The following ZBTB10 variants were observed in gnomAD, a reference collection of about 807,000 sequenced individuals.
The protein encoded by ZBTB10 is zinc finger and BTB domain-containing protein 10.
A neutral mutation model predicts 76.4 loss-of-function variants in ZBTB10; 32 were observed. The ratio of observed to expected loss-of-function variants is 0.42; its 90% CI spans 0.32 to 0.56. The LOEUF (loss-of-function observed/expected upper bound fraction) is 0.56, where lower values mean the gene tolerates loss of function less well. Among genes scored for constraint, ZBTB10 ranks in the 20% least tolerant of loss-of-function variants. The probability of loss-of-function intolerance (pLI) is 0.14; values close to 1 mark genes in which losing one functional copy is unlikely to be tolerated. For synonymous variants in ZBTB10, 523 were observed against 432.9 expected (o/e 1.21, Z -2.58); for missense variants, 1,057 against 1,098.5 (o/e 0.96, Z 0.53).
At chr8:80,507,315 A>G (rs1816084087) in intron 2 of ZBTB10, among the ~76,000 whole-genome samples, 1 of 140,336 alleles carries the variant, frequency 7.1e-6, no homozygotes, top group Non-Finnish European at 1.5e-5. Flanking sequence ...TCAAAAGAAG[A>G]AAAGAAAAAA....
rs752224870 is a variant in ZBTB10, at chr8:80,486,787, G to A, written c.-24G>A. The A allele has an allele frequency of 2.3e-6, 3 of 1,326,632 alleles. No homozygotes were observed. The highest frequency in any genetic ancestry group is 2.9e-6 in the Non-Finnish European group (3 of 1,036,408). 82.2% of individuals were successfully genotyped at this position (1,326,632 alleles called of 1,614,324 possible). A position where few individuals can be genotyped will look rare whatever the true frequency, so the allele number is the denominator to read the frequency against. On this transcript the variant is annotated 5_prime_UTR_variant, in exon 1 of 6. Coordinates refer to ENST00000455036, the MANE Select transcript of ZBTB10 (RefSeq NM_001105539.3). ...GGCCGTGCGCGAGCCGGGGCACCGG[G>A]CGGCGGCGGCGGCGGCGCGCGCCAT...
intron 1 of ZBTB10, among the ~76,000 whole-genome samples, chr8:80,495,599 A>G: frequency 6.6e-6 from 1 of 152,064 alleles, no homozygotes; most frequent in Non-Finnish European, 1.5e-5. Context: ...AGTCTTACCC[A>G]CTAACAGTAA....
At chr8:80,485,986 AC>A (rs1448846438), upstream of ZBTB10, 2 of 1,068,882 alleles carry the variant, frequency 1.9e-6, no homozygotes, top group Admixed American at 2.8e-5. Flanking sequence ...CCTCCCTGAG[AC>A]CCCCAGCCCG....
At position 80,518,400 on chromosome 8, in the gene ZBTB10, T is replaced by C; in HGVS notation, c.1961-3T>C. 1 of 1,548,518 alleles carries C rather than the reference T, an allele frequency of 6.5e-7. No homozygotes were observed. Among genetic ancestry groups the C allele is most frequent in the Non-Finnish European group, 8.7e-7 (1 of 1,146,416 alleles). ...ATTAATTCAGAATTTTTACTTGTAC[T>C]AGGTACTTCACATGATTTCAAGTAT... On this transcript the variant is annotated splice_polypyrimidine_tract_variant and splice_region_variant and intron_variant, in intron 3 of 5. Coordinates refer to ENST00000455036, the MANE Select transcript of ZBTB10 (RefSeq NM_001105539.3).
chr8:80,504,253 T>G (rs1427427100), intron 2 of ZBTB10, among the ~76,000 whole-genome samples: 1 of 152,216 alleles, frequency 6.6e-6, no homozygotes, highest in African/African-American at 2.4e-5. Context: ...TTAAATAAAT[T>G]TGAAGTTCTA....
chr8:80,490,616 A>T (rs1815604031), intron 1 of ZBTB10, among the ~76,000 whole-genome samples: 1 of 152,176 alleles, frequency 6.6e-6, no homozygotes, highest in Non-Finnish European at 1.5e-5. Context: ...TTCTTTGAAC[A>T]TTCTGAGCCT....
At chr8:80,512,067 TAATGTGGTACCACATTA>T in intron 2 of ZBTB10, among the ~76,000 whole-genome samples, 1 of 152,286 alleles carries the variant, frequency 6.6e-6, no homozygotes, top group South Asian at 2.1e-4. Context: ...TACTGTTATT[TAATGTGGTACCACATTA>T]AATAACATTT....
At chr8:80,495,596 C>CG (rs1815762422) in intron 1 of ZBTB10, among the ~76,000 whole-genome samples, 1 of 152,038 alleles carries the variant, frequency 6.6e-6, no homozygotes, top group Non-Finnish European at 1.5e-5. Context: ...AAGAGTCTTA[C>CG]CCACTAACAG....
intron 2 of ZBTB10, among the ~76,000 whole-genome samples, chr8:80,510,643 T>TGGGG (rs774237067): frequency 0.019 from 1,471 of 78,170 alleles, 24 homozygotes; most frequent in African/African-American, 0.039. Context: ...GAAACCAGTG[T>TGGGG]GTGTGTGTGT....
chr8:80,499,417 A>G lies in ZBTB10; in HGVS notation c.973-77A>G, dbSNP rs116654182. 1,546 of 1,401,386 alleles carry G rather than the reference A, an allele frequency of 1.1e-3. 19 individuals are homozygous for G. In the African/African-American group the frequency reaches 0.02, roughly 18 times the overall value. The allele number at this position is 1,401,386 out of a possible 1,614,324, so 86.8% of individuals were successfully genotyped here. ...TTGATTATCGCTTTTTAAAAACTTG[A>G]TAATTGTTTTCCTTGGTTTGGGAGT... On this transcript the variant is annotated intron_variant, in intron 1 of 5. Transcript: ENST00000455036.
At position 80,486,388 on chromosome 8, in the gene ZBTB10, G is replaced by A; in HGVS notation, c.-423G>A. The A allele has an allele frequency of 1.0e-6, 1 of 990,386 alleles. No individual in the cohort carries two copies. Among genetic ancestry groups the A allele is most frequent in the South Asian group, 4.6e-5 (1 of 21,826 alleles). The allele number at this position is 990,386 out of a possible 1,614,324, so 61.3% of individuals were successfully genotyped here. On this transcript the variant is annotated 5_prime_UTR_variant, in exon 1 of 6. Transcript: ENST00000455036. The stretch of plus-strand genomic sequence containing the variant: ...GGGACTCCTCGGCGCGCGGAGGAAG[G>A]ATATCTGTGTGGAGGATCGGTGTGT...
rs1244862290 is a variant in ZBTB10, at chr8:80,525,062, CAT to C, written c.*5536_*5537del. 1.3e-5 allele frequency: 2 copies of C among 151,894 alleles called. No homozygotes were observed. The highest frequency in any genetic ancestry group is 2.9e-5 in the Non-Finnish European group (2 of 67,952). The allele number at this position is 151,894 out of a possible 1,614,324, so 9.4% of individuals were successfully genotyped here. A position where few individuals can be genotyped will look rare whatever the true frequency, so the allele number is the denominator to read the frequency against. Reference sequence around the variant, plus strand: ...AAGGATGTTTTGACACTAAAAAGGACATAATTTAGGAAATTAAGAATTTAGAC... The same window carrying C: ...AAGGATGTTTTGACACTAAAAAGGACAATTTAGGAAATTAAGAATTTAGAC... On this transcript the variant is annotated 3_prime_UTR_variant, in exon 6 of 6. Transcript: ENST00000455036.
chr8:80,519,429 A>C lies in ZBTB10; in HGVS notation c.2517A>C (p.Val839=), dbSNP rs1170205716. 2.5e-6 allele frequency: 4 copies of C among 1,612,608 alleles called. No individual in the cohort carries two copies. The highest frequency in any genetic ancestry group is 2.5e-6 in the Non-Finnish European group (3 of 1,179,410). The change falls in exon 6 of 6, where the codon GTA becomes GTC. Residue 839 remains valine (V), a synonymous_variant. Coordinates refer to ENST00000455036, the MANE Select transcript of ZBTB10 (RefSeq NM_001105539.3). Reference sequence around the variant, plus strand: ...ATGAAGAATACGAGGAGAATGAAGTAGGAGAAGCTGATGAAGAGCTAGTTG... The same window carrying C: ...ATGAAGAATACGAGGAGAATGAAGTCGGAGAAGCTGATGAAGAGCTAGTTG... ...PRDEEYEENE[V]GEADEELVDD... is the part of the protein sequence containing the mutation.
chr8:80,486,432 A>G lies in ZBTB10; in HGVS notation c.-379A>G. Reference sequence around the variant, plus strand: ...GGTGTGTGCGCGCGCGGCTTTAAAGAGGGGGCAGCGGAGGGTCTCCCCGCA... The same window carrying G: ...GGTGTGTGCGCGCGCGGCTTTAAAGGGGGGGCAGCGGAGGGTCTCCCCGCA... On this transcript the variant is annotated 5_prime_UTR_variant, in exon 1 of 6. Coordinates refer to ENST00000455036, the MANE Select transcript of ZBTB10 (RefSeq NM_001105539.3). 1.0e-6 allele frequency: 1 copy of G among 984,400 alleles called. No individual in the cohort carries two copies. The highest frequency in any genetic ancestry group is 1.2e-6 in the Non-Finnish European group (1 of 829,814). 61.0% of individuals were successfully genotyped at this position (984,400 alleles called of 1,614,324 possible).
chr8:80,488,004 G>A (rs1450823919), intron 1 of ZBTB10, among the ~76,000 whole-genome samples: 1 of 151,458 alleles, frequency 6.6e-6, no homozygotes, highest in South Asian at 2.1e-4. Context: ...GAAGGGGATG[G>A]AATGACAATT....
At chr8:80,499,363 A>G in intron 1 of ZBTB10, 131 bp from the exon 2 acceptor site, 1 of 1,041,032 alleles carries the variant, frequency 9.6e-7, no homozygotes, top group East Asian at 2.7e-5. Flanking sequence ...TGTTCACTCC[A>G]TTTCTTGATT....
chr8:80,486,724 G>GAGGGGGAGCC lies in ZBTB10; in HGVS notation c.-86_-77dup, dbSNP rs1270451772. The GAGGGGGAGCC allele has an allele frequency of 2.3e-5, 23 of 1,004,772 alleles. No homozygotes were observed. Among genetic ancestry groups the GAGGGGGAGCC allele is most frequent in the Non-Finnish European group, 2.7e-5 (23 of 843,564 alleles). The allele number at this position is 1,004,772 out of a possible 1,614,324, so 62.2% of individuals were successfully genotyped here. ...GAACGCCGGGGGCGGGGGCGAGACA[G>GAGGGGGAGCC]AGGGGGAGCCGCGGGGAGCGCGCGG... On this transcript the variant is annotated 5_prime_UTR_variant, in exon 1 of 6. Coordinates refer to ENST00000455036, the MANE Select transcript of ZBTB10 (RefSeq NM_001105539.3).
At position 80,520,347 on chromosome 8, in the gene ZBTB10, A is replaced by G. The variant is rs1025707221; in HGVS notation, c.*819A>G. On this transcript the variant is annotated 3_prime_UTR_variant, in exon 6 of 6. Transcript: ENST00000455036. Reference sequence around the variant, plus strand: ...TAATCTGATAAATGGTTACTATATGATATTTTCTGACATGGTATTTGGTTT... The same window carrying G: ...TAATCTGATAAATGGTTACTATATGGTATTTTCTGACATGGTATTTGGTTT... The G allele has an allele frequency of 6.6e-6, 1 of 152,410 alleles. No individual in the cohort carries two copies. The highest frequency in any genetic ancestry group is 2.4e-5 in the African/African-American group (1 of 41,398). The allele number at this position is 152,410 out of a possible 1,614,324, so 9.4% of individuals were successfully genotyped here. A position where few individuals can be genotyped will look rare whatever the true frequency, so the allele number is the denominator to read the frequency against.
At position 80,518,587 on chromosome 8, in the gene ZBTB10, T is replaced by G. The variant is rs1026452275; in HGVS notation, c.2137+8T>G. On this transcript the variant is annotated splice_region_variant and intron_variant, in intron 4 of 5. Transcript: ENST00000455036. ...AAGAAACCTGGGAAAATGGCAAGTA[T>G]TAGTCAACTAAACAAATACAGAATT... is the stretch of plus-strand genomic sequence containing the variant. 3.2e-6 allele frequency: 5 copies of G among 1,544,968 alleles called. No individual in the cohort carries two copies. In the African/African-American group the frequency reaches 6.9e-5, roughly 21 times the overall value.
Sources: allele counts gnomAD v4.1 joint callset (sites outside exome capture counted in the v4.1 genomes callset), GRCh38; gene constraint gnomAD v4.1.1; transcripts MANE v1.5; gene names NCBI Gene and HGNC (gene_info 2026-07-23, HGNC 2026-07-21).